The following FARS2 variants were observed in gnomAD, a reference collection of about 807,000 sequenced individuals.
FARS2 encodes the protein phenylalanyl-tRNA synthetase 2, mitochondrial.
In FARS2, 40 loss-of-function variants were observed where a neutral mutation model predicts 46.4. The ratio of observed to expected loss-of-function variants is 0.86; its 90% CI spans 0.67 to 1.12. The LOEUF (loss-of-function observed/expected upper bound fraction) is 1.12. Ranked by LOEUF, FARS2 falls within the 50% of genes most tolerant of loss-of-function variation. The probability of loss-of-function intolerance (pLI) is 0.00; values close to 1 mark genes in which losing one functional copy is unlikely to be tolerated. For synonymous variants in FARS2, 234 were observed against 214.9 expected (o/e 1.09, Z -0.78); for missense variants, 513 against 567.9 (o/e 0.90, Z 0.98).
intron 2 of FARS2, among the ~76,000 whole-genome samples, chr6:5,400,982 G>A (rs970600933): frequency 6.6e-6 from 1 of 151,864 alleles, no homozygotes; most frequent in African/African-American, 2.4e-5. Flanking sequence ...TTTTAAGAAT[G>A]CTATGCTTGC....
chr6:5,296,570 C>G (rs1020110371), intron 1 of FARS2, among the ~76,000 whole-genome samples: 8 of 152,280 alleles, frequency 5.3e-5, no homozygotes, highest in Admixed American at 4.6e-4. Flanking sequence ...CCAGTAAACA[C>G]GAACTCCCCA....
rs201557066 is a variant in FARS2, at chr6:5,634,133, A to AT, written c.1217+20820dup. ...TCTCTTAAGTTGTTTATTATTAAACATTTTTTTCTAGTTCCATCTGGAATT... is the reference window on the plus strand; with the variant it reads ...TCTCTTAAGTTGTTTATTATTAAACATTTTTTTTCTAGTTCCATCTGGAATT... On this transcript the variant is annotated intron_variant, in intron 6 of 6. Transcript: ENST00000274680. Among the ~76,000 whole-genome samples the AT allele has an allele frequency of 6.1e-3, 928 of 152,212 alleles. 14 individuals carry two copies. The highest frequency in any genetic ancestry group is 0.021 in the African/African-American group (875 of 41,530).
intron 4 of FARS2, among the ~76,000 whole-genome samples, chr6:5,483,339 A>G (rs1289685527): frequency 6.6e-6 from 1 of 152,196 alleles, no homozygotes; most frequent in African/African-American, 2.4e-5. Context: ...CTTTTGGAGC[A>G]ACCCAAAGTA....
At chr6:5,758,820 G>A (rs1483068467) in intron 6 of FARS2, among the ~76,000 whole-genome samples, 1 of 152,154 alleles carries the variant, frequency 6.6e-6, no homozygotes, top group Non-Finnish European at 1.5e-5. Flanking sequence ...GGGTTCTGAG[G>A]AGCGGATGGG....
intron 6 of FARS2, among the ~76,000 whole-genome samples, chr6:5,712,033 GTAAT>G (rs1759204295): frequency 6.6e-6 from 1 of 152,074 alleles, no homozygotes; most frequent in African/African-American, 2.4e-5. Flanking sequence ...TTATTAAAAA[GTAAT>G]TATATAAACT....
chr6:5,548,010 T>C (rs770963479), intron 5 of FARS2, among the ~76,000 whole-genome samples: 15 of 152,246 alleles, frequency 9.9e-5, no homozygotes, highest in Non-Finnish European at 2.1e-4. Context: ...TCCACATGGC[T>C]GGGGAGGCCT....
chr6:5,299,304 T>G (rs1160369995), intron 1 of FARS2, among the ~76,000 whole-genome samples: 3 of 152,258 alleles, frequency 2.0e-5, no homozygotes, highest in African/African-American at 7.2e-5. Context: ...CTCCTGTGTA[T>G]TTAAACACTT....
chr6:5,404,751 C>A, intron 3 of FARS2, 50 bp downstream of exon 3: 20 of 1,157,788 alleles, frequency 1.7e-5, no homozygotes, highest in Non-Finnish European at 2.2e-5. Context: ...ATACTTGGGA[C>A]AGAAGTGTTT....
At chr6:5,762,501 A>T (rs989463957) in intron 6 of FARS2, among the ~76,000 whole-genome samples, 1 of 152,206 alleles carries the variant, frequency 6.6e-6, no homozygotes, top group African/African-American at 2.4e-5. Flanking sequence ...GGCAGGAGAC[A>T]CTCACTGGGA....
In FARS2 at chr6:5,422,985, G is replaced by A. The variant is rs907471874; in HGVS notation, c.773-8056G>A. Among the ~76,000 whole-genome samples, 4 of 152,236 alleles carry A rather than the reference G, an allele frequency of 2.6e-5. No homozygotes were observed. The East Asian group carries it at 7.7e-4, about 29-fold the overall frequency. ...ATTTTTGACAAAATTGAAGCAGTGC[G>A]AGGTTAAGTAACTGGCCTGAGGTCA... On this transcript the variant is annotated intron_variant, in intron 3 of 6. Transcript: ENST00000274680.
intron 4 of FARS2, among the ~76,000 whole-genome samples, chr6:5,436,510 C>G (rs1475541838): frequency 6.6e-6 from 1 of 152,200 alleles, no homozygotes; most frequent in Non-Finnish European, 1.5e-5. Context: ...TGAAACACAC[C>G]TTCTCCCTGT....
intron 1 of FARS2, among the ~76,000 whole-genome samples, chr6:5,364,483 C>CT (rs1474496292): frequency 3.0e-4 from 46 of 152,122 alleles, no homozygotes; most frequent in Non-Finnish European, 4.4e-4. Flanking sequence ...ATTCTTGCTC[C>CT]TTTTTTGTGA....
intron 6 of FARS2, among the ~76,000 whole-genome samples, chr6:5,676,014 G>A (rs1778748932): frequency 6.6e-6 from 1 of 151,858 alleles, no homozygotes; most frequent in Admixed American, 6.6e-5. Context: ...AATGAAGGAA[G>A]CACTTAAAGT....
intron 5 of FARS2, among the ~76,000 whole-genome samples, chr6:5,564,311 GA>G (rs545380560): frequency 6.6e-5 from 10 of 152,236 alleles, no homozygotes; most frequent in South Asian, 4.1e-4. Flanking sequence ...CCCAAACAAA[GA>G]AACCTCCGGG....
At chr6:5,393,481 C>A (rs1268050793) in intron 2 of FARS2, among the ~76,000 whole-genome samples, 3 of 151,834 alleles carry the variant, frequency 2.0e-5, no homozygotes, top group African/African-American at 7.3e-5. Context: ...ATGGTGAAAC[C>A]CCGTCTCTAC....
chr6:5,697,529 T>C (rs928296081), intron 6 of FARS2, among the ~76,000 whole-genome samples: 2 of 152,182 alleles, frequency 1.3e-5, no homozygotes, highest in Non-Finnish European at 2.9e-5. Flanking sequence ...AAATAATGAG[T>C]ATCCAATGCA....
At chr6:5,339,901 C>T (rs1248616852) in intron 1 of FARS2, among the ~76,000 whole-genome samples, 1 of 152,208 alleles carries the variant, frequency 6.6e-6, no homozygotes, top group Non-Finnish European at 1.5e-5. Context: ...GGTTGGTTCA[C>T]TTTTATCATG....
intron 5 of FARS2, among the ~76,000 whole-genome samples, chr6:5,607,285 A>ATGTGTGTGTG (rs200898031): frequency 9.6e-4 from 72 of 75,046 alleles, no homozygotes; most frequent in African/African-American, 2.6e-3. Flanking sequence ...AATAATATGT[A>ATGTGTGTGTG]TGTGTGTGTG....
chr6:5,423,619 G>A (rs1297189737), intron 3 of FARS2, among the ~76,000 whole-genome samples: 1 of 152,162 alleles, frequency 6.6e-6, no homozygotes, highest in African/African-American at 2.4e-5. Context: ...GGCTGAAATA[G>A]TGTTAATATC....
Sources: allele counts gnomAD v4.1 joint callset (sites outside exome capture counted in the v4.1 genomes callset), GRCh38; gene constraint gnomAD v4.1.1; transcripts MANE v1.5; gene names NCBI Gene and HGNC (gene_info 2026-07-23, HGNC 2026-07-21).